SALL2: variants seen among roughly 807,000 people sequenced by gnomAD.
SALL2 encodes sal-like protein 2.
Under a neutral mutation model 58.5 loss-of-function variants are expected in SALL2, and 32 were observed. The ratio of observed to expected loss-of-function variants is 0.55; its 90% CI spans 0.41 to 0.74. The LOEUF is 0.74. Ranked by LOEUF, SALL2 falls within the 30% of genes least tolerant of loss-of-function variation. SALL2 has a pLI of 0.00. For missense variants in SALL2, 1,201 were observed against 1,268.9 expected (o/e 0.95, Z 0.81); for synonymous variants, 516 against 513.6 (o/e 1.00, Z -0.06).
rs755141185 is a variant in SALL2 at position 21,523,052 on chromosome 14, C to T, written c.2670G>A (p.Glu890=). Residue 890 remains glutamate (E), a synonymous_variant, in exon 2 of 2, where the codon GAG becomes GAA. Coordinates refer to ENST00000537235, the MANE Select transcript of SALL2 (RefSeq NM_001364564.1). The surrounding 1 kb of genome is among the most constrained non-coding windows in gnomAD (Gnocchi z 4.4). ...TCATTGCCTCCTGCAGGCTCAGCTC[C>T]TCTACCAAGGTCACGCTGGTGGCTT... ...EGEATSVTLV[E]ELSLQEAMRK... is the part of the protein sequence containing the mutation. 4 of 1,614,058 alleles carry T rather than the reference C, an allele frequency of 2.5e-6. No individual in the cohort carries two copies. In the African/African-American group the frequency reaches 4.0e-5, roughly 16 times the overall value.
At chr14:21,531,961 C>T (rs1236869170) in intron 1 of SALL2, among the ~76,000 whole-genome samples, 5 of 152,000 alleles carry the variant, frequency 3.3e-5, no homozygotes, top group African/African-American at 7.3e-5. Flanking sequence ...AACTCCTGAC[C>T]TCAAGTGATT....
At position 21,523,288 on chromosome 14, in the gene SALL2, T is replaced by A. The variant is rs139022723; in HGVS notation, c.2434A>T (p.Thr812Ser). 37 of 1,613,570 alleles carry A rather than the reference T, an allele frequency of 2.3e-5. No individual in the cohort carries two copies. Among genetic ancestry groups the A allele is most frequent in the Non-Finnish European group, 3.1e-5 (37 of 1,180,008 alleles). Reference sequence around the variant, plus strand: ...CCAGCTGTGGCTGCTGCCGCCACTGTCCCCACCTCCTCCTCTGCCCCAGAT... The same window carrying A: ...CCAGCTGTGGCTGCTGCCGCCACTGACCCCACCTCCTCCTCTGCCCCAGAT... ...EASGAEEEVGTVAAAATAGKE... is the reference protein window; with the variant it reads ...EASGAEEEVGSVAAAATAGKE... The change falls in exon 2 of 2, where the codon ACA becomes TCA. Residue 812 changes from threonine to serine, a missense_variant. Physicochemically the swap from Thr to Ser is moderately conservative, Grantham distance 58 (BLOSUM62 1). This residue lies in a region of SALL2 where 675 missense variants were observed against 683.8 expected (regional missense o/e 0.99). Transcript: ENST00000537235. The surrounding 1 kb of genome is among the most constrained non-coding windows in gnomAD (Gnocchi z 4.4).
At chr14:21,535,745 G>C (rs1279806884) in intron 1 of SALL2, among the ~76,000 whole-genome samples, 1 of 152,216 alleles carries the variant, frequency 6.6e-6, no homozygotes, top group Admixed American at 6.5e-5. Context: ...ACTGTTGGGT[G>C]TATCAACTGT....
At position 21,523,215 on chromosome 14, in the gene SALL2, G is replaced by A. The variant is rs114880530; in HGVS notation, c.2507C>T (p.Pro836Leu). 616 of 1,614,066 alleles carry A rather than the reference G, an allele frequency of 3.8e-4. 3 individuals carry two copies. The African/African-American group carries it at 7.6e-3, about 20-fold the overall frequency. Residue 836 changes from proline to leucine, a missense_variant, in exon 2 of 2, where the codon CCA (proline) becomes CTA (leucine). Pro to Leu is a moderately conservative substitution (Grantham distance 98, BLOSUM62 -3). Around this residue, in one of 3 missense-constraint regions of SALL2, gnomAD observed 675 missense variants for 683.8 expected, o/e 0.99. Coordinates refer to ENST00000537235, the MANE Select transcript of SALL2 (RefSeq NM_001364564.1). This position sits in a 1 kb window ranked among gnomAD's most constrained non-coding sequence, Gnocchi z 4.4. ...NEKTTQQSSL[P>L]PPPPPDSLDQ... ...CAGGCTGTCAGGTGGTGGTGGTGGT[G>A]GCAAAGAAGACTGTTGAGTAGTTTT... is the stretch of plus-strand genomic sequence containing the variant.
rs1892070835 is a variant in SALL2 at position 21,522,344 on chromosome 14, T to C, written c.*360A>G. ...GAGACAGCTGCCAGCCCTTTTTGGCTAGGCTGCAATGCCAAATGTAGGTGC... is the reference window on the plus strand; with the variant it reads ...GAGACAGCTGCCAGCCCTTTTTGGCCAGGCTGCAATGCCAAATGTAGGTGC... On this transcript the variant is annotated 3_prime_UTR_variant, in exon 2 of 2. Transcript: ENST00000537235. 13 of 1,453,670 alleles carry C rather than the reference T, an allele frequency of 8.9e-6. No homozygotes were observed. The highest frequency in any genetic ancestry group is 1.2e-5 in the Non-Finnish European group (13 of 1,105,076). The allele number at this position is 1,453,670 out of a possible 1,614,324, so 90.0% of individuals were successfully genotyped here.
At position 21,523,171 on chromosome 14, in the gene SALL2, C is replaced by G; in HGVS notation, c.2551G>C (p.Glu851Gln). The G allele has an allele frequency of 2.5e-6, 4 of 1,614,172 alleles. No individual in the cohort carries two copies. The highest frequency in any genetic ancestry group is 1.1e-5 in the South Asian group (1 of 91,084). Residue 851 changes from glutamate (E) to glutamine (Q), a missense_variant, in exon 2 of 2, where the codon GAG (glutamate) becomes CAG (glutamine). Physicochemically the swap from Glu to Gln is conservative, Grantham distance 29. Transcript: ENST00000537235. This position sits in a 1 kb window ranked among gnomAD's most constrained non-coding sequence, Gnocchi z 4.4. ...PDSLDQPQPM[E>Q]QGSSGVLGGK... ...CCTAAAACACCACTGCTTCCCTGCT[C>G]CATTGGCTGAGGCTGATCCAGGCTG...
chr14:21,531,940 G>A lies in SALL2; in HGVS notation c.-114+5022C>T, dbSNP rs185511065. Among the ~76,000 whole-genome samples, 456 of 152,000 alleles carry A rather than the reference G, an allele frequency of 3.0e-3. 2 individuals carry two copies. The highest frequency in any genetic ancestry group is 9.4e-3 in the African/African-American group (388 of 41,426). On this transcript the variant is annotated intron_variant, in intron 1 of 1. Coordinates refer to the SALL2 transcript ENST00000541965. The stretch of plus-strand genomic sequence containing the variant: ...AGATGAGGTTTCACCTTGTTGGCCA[G>A]GCTGGTCTTGAACTCCTGACCTCAA...
rs1454169338 is a variant in SALL2, at chr14:21,524,909, G to A, written c.813C>T (p.Ala271=). 6.2e-7 allele frequency: 1 copy of A among 1,614,212 alleles called. No individual in the cohort carries two copies. Among genetic ancestry groups the A allele is most frequent in the Non-Finnish European group, 8.5e-7 (1 of 1,180,024 alleles). ...SSSGAETPKQ[A]FFHLYHPLGS... is the part of the protein sequence containing the mutation. ...CCAGTGGGTGGTAAAGGTGGAAGAA[G>A]GCCTGCTTGGGCGTTTCTGCCCCTG... Residue 271 remains alanine, a synonymous_variant, in exon 2 of 2, where the codon GCC becomes GCT. Transcript: ENST00000537235.
chr14:21,527,978 A>G (rs1234400892), upstream of SALL2, among the ~76,000 whole-genome samples: 3 of 151,954 alleles, frequency 2.0e-5, no homozygotes, highest in Non-Finnish European at 4.4e-5. Context: ...CGTCTCTACT[A>G]AAAATACAAA....
At position 21,526,133 on chromosome 14, in the gene SALL2, T is replaced by C; in HGVS notation, c.-6A>G. 6.5e-7 allele frequency: 1 copy of C among 1,537,408 alleles called. No individual in the cohort carries two copies. Among genetic ancestry groups the C allele is most frequent in the Non-Finnish European group, 8.7e-7 (1 of 1,148,244 alleles). The stretch of plus-strand genomic sequence containing the variant: ...CTCTCGGATTCGTGCGCCATGGTTG[T>C]GGGGGAAGTGGAGGGCCAGGTGGGG... On this transcript the variant is annotated 5_prime_UTR_variant, in exon 1 of 2. Coordinates refer to ENST00000537235, the MANE Select transcript of SALL2 (RefSeq NM_001364564.1).
In SALL2 at chr14:21,523,665, C is replaced by T. The variant is rs538393267; in HGVS notation, c.2057G>A (p.Arg686Gln). Reference protein sequence around the residue: ...FVGHKASPAARAQNSCPICQK... With the variant: ...FVGHKASPAAQAQNSCPICQK... ...GCAGATGGGGCAGGAATTCTGTGCC[C>T]GGGCAGCTGGACTGGCCTTGTGGCC... The change falls in exon 2 of 2, where the codon CGG becomes CAG. Residue 686 changes from arginine to glutamine, a missense_variant. Physicochemically the swap from Arg to Gln is conservative, Grantham distance 43. This residue lies in a region of SALL2 where 675 missense variants were observed against 683.8 expected (regional missense o/e 0.99). Coordinates refer to ENST00000537235, the MANE Select transcript of SALL2 (RefSeq NM_001364564.1). The surrounding 1 kb of genome is among the most constrained non-coding windows in gnomAD (Gnocchi z 4.4). The T allele has an allele frequency of 6.5e-5, 105 of 1,614,210 alleles. No homozygotes were observed. Among genetic ancestry groups the T allele is most frequent in the Non-Finnish European group, 7.5e-5 (89 of 1,180,038 alleles).
chr14:21,523,289 C>A lies in SALL2; in HGVS notation c.2433G>T (p.Gly811=). 6.2e-7 allele frequency: 1 copy of A among 1,613,708 alleles called. No homozygotes were observed. The highest frequency in any genetic ancestry group is 8.5e-7 in the Non-Finnish European group (1 of 1,180,018). ...CAGCTGTGGCTGCTGCCGCCACTGT[C>A]CCCACCTCCTCCTCTGCCCCAGATG... ...EEASGAEEEV[G]TVAAAATAGK... The change falls in exon 2 of 2, where the codon GGG becomes GGT. Residue 811 remains glycine, a synonymous_variant. Coordinates refer to ENST00000537235, the MANE Select transcript of SALL2 (RefSeq NM_001364564.1). This position sits in a 1 kb window ranked among gnomAD's most constrained non-coding sequence, Gnocchi z 4.4.
chr14:21,537,073 GAC>G (rs1462742607), exon 1 of SALL2: 1 of 642,796 alleles, frequency 1.6e-6, no homozygotes, highest in East Asian at 2.7e-5. Context: ...CTTTCCCAGA[GAC>G]ACAGACTCTC....
upstream of SALL2, chr14:21,526,478 G>C: frequency 7.9e-7 from 1 of 1,269,768 alleles, no homozygotes; most frequent in Non-Finnish European, 1.0e-6. Flanking sequence ...GAGAGTTTCC[G>C]GAGGCGCAGT....
chr14:21,522,739 G>C lies in SALL2; in HGVS notation c.2983C>G (p.Pro995Ala). Reference protein sequence around the residue: ...SPSITSTGLSPFPRKDDPTIP With the variant: ...SPSITSTGLSAFPRKDDPTIP ...GTGGGGTCATCTTTTCGGGGAAAGG[G>C]GGAGAGCCCTGTGGAGGTGATGGAA... The change falls in exon 2 of 2, where the codon CCC (proline) becomes GCC (alanine). Residue 995 changes from proline (P) to alanine (A), a missense_variant. Physicochemically the swap from Pro to Ala is conservative, Grantham distance 27 (BLOSUM62 -1). This residue lies in a region of SALL2 where 675 missense variants were observed against 683.8 expected (regional missense o/e 0.99). Transcript: ENST00000537235. 1 of 1,537,108 alleles carries C rather than the reference G, an allele frequency of 6.5e-7. No homozygotes were observed. The highest frequency in any genetic ancestry group is 2.3e-5 in the East Asian group (1 of 44,228).
chr14:21,533,802 C>T (rs1892525309), intron 1 of SALL2, among the ~76,000 whole-genome samples: 1 of 152,102 alleles, frequency 6.6e-6, no homozygotes, highest in African/African-American at 2.4e-5. Flanking sequence ...GTAACAAAGG[C>T]TCAGCATTTG....
In SALL2 at chr14:21,525,097, C is replaced by A; in HGVS notation, c.625G>T (p.Gly209Cys). 6.2e-7 allele frequency: 1 copy of A among 1,614,136 alleles called. No individual in the cohort carries two copies. Among genetic ancestry groups the A allele is most frequent in the South Asian group, 1.1e-5 (1 of 91,084 alleles). Residue 209 changes from glycine (G) to cysteine (C), a missense_variant, in exon 2 of 2, where the codon GGC becomes TGC. Physicochemically the swap from Gly to Cys is radical, Grantham distance 159. Coordinates refer to ENST00000537235, the MANE Select transcript of SALL2 (RefSeq NM_001364564.1). This position sits in a 1 kb window ranked among gnomAD's most constrained non-coding sequence, Gnocchi z 4.4. ...GCACCCACCGTCTGGCCTAAGGAGC[C>A]AAGCAACAGCACCTGCCTGCAGATT... ...EQICRQVLLL[G>C]SLGQTVGAPA... is the part of the protein sequence containing the mutation.
chr14:21,524,241 C>G lies in SALL2; in HGVS notation c.1481G>C (p.Ser494Thr). The change falls in exon 2 of 2, where the codon AGT becomes ACT. Residue 494 changes from serine to threonine, a missense_variant. By Grantham distance (58) the Ser-to-Thr change is moderately conservative. Transcript: ENST00000537235. ...ATESLTLLSTSAGTATAPGLP... is the reference protein window; with the variant it reads ...ATESLTLLSTTAGTATAPGLP... Reference sequence around the variant, plus strand: ...TCCTGGAGCCGTGGCTGTGCCTGCACTGGTGGAGAGCAGAGTCAGGCTCTC... The same window carrying G: ...TCCTGGAGCCGTGGCTGTGCCTGCAGTGGTGGAGAGCAGAGTCAGGCTCTC... 2 of 1,613,432 alleles carry G rather than the reference C, an allele frequency of 1.2e-6. No individual in the cohort carries two copies. Among genetic ancestry groups the G allele is most frequent in the Non-Finnish European group, 1.7e-6 (2 of 1,179,708 alleles).
Position 21,525,385 on chromosome 14 carries a change from C to T in SALL2, c.337G>A (p.Glu113Lys), listed in dbSNP as rs576329716. The T allele has an allele frequency of 1.7e-5, 27 of 1,613,996 alleles. No homozygotes were observed. Among genetic ancestry groups the T allele is most frequent in the Non-Finnish European group, 2.2e-5 (26 of 1,180,006 alleles). The change falls in exon 2 of 2, where the codon GAG (glutamate) becomes AAG (lysine). Residue 113 changes from glutamate (E) to lysine (K), a missense_variant. Glu to Lys is a moderately conservative substitution (Grantham distance 56, BLOSUM62 1). Coordinates refer to ENST00000537235, the MANE Select transcript of SALL2 (RefSeq NM_001364564.1). This position sits in a 1 kb window ranked among gnomAD's most constrained non-coding sequence, Gnocchi z 4.4. ...CCTGAAGACTCCTCTCCTCTCCTCT[C>T]TGGGCCCCAGGTGGGATCCGTGGGC... is the stretch of plus-strand genomic sequence containing the variant. ...SVPTDPTWGP[E>K]RRGEESSGHF...
Sources: allele counts gnomAD v4.1 joint callset (sites outside exome capture counted in the v4.1 genomes callset), GRCh38; gene constraint gnomAD v4.1.1; regional missense constraint gnomAD v4.1.1; non-coding constraint Gnocchi (gnomAD v3.1); transcripts MANE v1.5; gene names NCBI Gene and HGNC (gene_info 2026-07-23, HGNC 2026-07-21).